Variants in ANO2 observed in about 807,000 individuals in gnomAD.
ANO2 encodes anoctamin-2.
Under a neutral mutation model 124.2 loss-of-function variants are expected in ANO2, and 101 were observed. The ratio of observed to expected loss-of-function variants is 0.81; its 90% CI spans 0.69 to 0.96. The LOEUF is 0.96. ANO2 is among the 40% of genes least tolerant of loss of function. The pLI, the probability that ANO2 is intolerant of heterozygous loss-of-function variation, is 0.00. For synonymous variants in ANO2, 486 were observed against 482.5 expected (o/e 1.01, Z -0.09); for missense variants, 1,293 against 1,274.5 (o/e 1.01, Z -0.22).
chr12:5,876,618 G>A (rs1938118975), intron 3 of ANO2, among the ~76,000 whole-genome samples: 1 of 152,172 alleles, frequency 6.6e-6, no homozygotes, highest in Admixed American at 6.5e-5. Flanking sequence ...AAGAAATTGT[G>A]GCACATATAC....
chr12:5,696,855 A>G (rs1026047884), intron 14 of ANO2, among the ~76,000 whole-genome samples: 1 of 152,266 alleles, frequency 6.6e-6, no homozygotes, highest in African/African-American at 2.4e-5. Flanking sequence ...AGGTTAAAGG[A>G]GAAAAGCTAC....
At chr12:5,618,065 G>C (rs1179119571) in intron 16 of ANO2, among the ~76,000 whole-genome samples, 3 of 152,192 alleles carry the variant, frequency 2.0e-5, no homozygotes, top group Non-Finnish European at 4.4e-5. Context: ...TCATGAACAG[G>C]TTAATGCTGC....
chr12:5,843,157 CAATAAT>C (rs1954574316), intron 4 of ANO2, among the ~76,000 whole-genome samples: 1 of 152,218 alleles, frequency 6.6e-6, no homozygotes, highest in Admixed American at 6.5e-5. Context: ...AAGTTACTGA[CAATAAT>C]AATAACAAGA....
chr12:5,676,228 G>A (rs923824791), intron 14 of ANO2, among the ~76,000 whole-genome samples: 3 of 152,194 alleles, frequency 2.0e-5, no homozygotes, highest in Non-Finnish European at 4.4e-5. Flanking sequence ...TTAGAAAGGC[G>A]TCAAGCCACA....
intron 10 of ANO2, among the ~76,000 whole-genome samples, chr12:5,779,817 T>G (rs1472062837): frequency 6.6e-6 from 1 of 152,202 alleles, no homozygotes; most frequent in Non-Finnish European, 1.5e-5. Context: ...ACAGACCTTC[T>G]ATAAAATGAT....
intron 3 of ANO2, chr12:5,858,741 C>G (rs1311135108): frequency 1.3e-5 from 2 of 152,174 alleles, no homozygotes; most frequent in East Asian, 3.9e-4. Flanking sequence ...ATTACTATAG[C>G]GATTAGCTCT....
chr12:5,883,800 C>T (rs184439651), intron 3 of ANO2, among the ~76,000 whole-genome samples: 27 of 152,228 alleles, frequency 1.8e-4, no homozygotes, highest in Admixed American at 6.5e-4. Flanking sequence ...CTAGCTCTGA[C>T]ATTTTCTGGA....
chr12:5,756,219 T>C (rs1006458442), intron 10 of ANO2, among the ~76,000 whole-genome samples: 2 of 152,062 alleles, frequency 1.3e-5, no homozygotes, highest in African/African-American at 4.8e-5. Context: ...TTTTTTATTA[T>C]TTCTATATGT....
chr12:5,638,237 C>CTTTTTTTTTTTTTTTTTTTTTTT (rs35224024), intron 15 of ANO2, among the ~76,000 whole-genome samples: 3 of 124,850 alleles, frequency 2.4e-5, no homozygotes, highest in African/African-American at 8.8e-5. Flanking sequence ...GTTTCTTTTC[C>CTTTTTTTTTTTTTTTTTTTTTTT]TTTTTTTTTT....
intron 10 of ANO2, among the ~76,000 whole-genome samples, chr12:5,797,635 C>T (rs2137159880): frequency 6.6e-6 from 1 of 152,244 alleles, no homozygotes; most frequent in Middle Eastern, 3.4e-3. Flanking sequence ...CAGAGAGTTC[C>T]TTATGCCACT....
intron 14 of ANO2, among the ~76,000 whole-genome samples, chr12:5,674,291 T>C (rs994035390): frequency 1.3e-5 from 2 of 152,106 alleles, no homozygotes; most frequent in African/African-American, 4.8e-5. Flanking sequence ...ACTTCCTACA[T>C]TAACCTGCAA....
At chr12:5,842,702 T>C (rs1407303228) in intron 4 of ANO2, among the ~76,000 whole-genome samples, 1 of 152,152 alleles carries the variant, frequency 6.6e-6, no homozygotes, top group Non-Finnish European at 1.5e-5. Context: ...TTGTAACACA[T>C]TTTCATATTT....
chr12:5,609,357 G>A (rs2136899172), intron 19 of ANO2, among the ~76,000 whole-genome samples: 1 of 152,170 alleles, frequency 6.6e-6, no homozygotes, highest in East Asian at 1.9e-4. Flanking sequence ...CCTCCCCAAA[G>A]AAAATACATG....
intron 10 of ANO2, among the ~76,000 whole-genome samples, chr12:5,784,702 T>C (rs1952493217): frequency 6.6e-6 from 1 of 152,070 alleles, no homozygotes; most frequent in African/African-American, 2.4e-5. Flanking sequence ...GCAGGACAAA[T>C]TAAATGAAAG....
chr12:5,572,562 T>G (rs1942187737), intron 23 of ANO2, among the ~76,000 whole-genome samples: 1 of 152,242 alleles, frequency 6.6e-6, no homozygotes, highest in African/African-American at 2.4e-5. Flanking sequence ...TTTAATTCCT[T>G]GTTTACTTAT....
At chr12:5,717,729 A>T (rs577166992) in intron 14 of ANO2, among the ~76,000 whole-genome samples, 52 of 152,346 alleles carry the variant, frequency 3.4e-4, no homozygotes, top group Middle Eastern at 6.8e-3. Flanking sequence ...TAGGAATATT[A>T]AATACATCCA....
chr12:5,860,590 A>G (rs1341394838), intron 3 of ANO2, among the ~76,000 whole-genome samples: 4 of 152,242 alleles, frequency 2.6e-5, no homozygotes, highest in African/African-American at 9.6e-5. Context: ...CCTTTGGCCA[A>G]CAGAATTTAA....
chr12:5,796,811 G>T (rs569995237), intron 10 of ANO2, among the ~76,000 whole-genome samples: 2 of 152,218 alleles, frequency 1.3e-5, no homozygotes, highest in Non-Finnish European at 2.9e-5. Context: ...AGGCCTGAAG[G>T]CCTGCGGAAG....
At chr12:5,909,804 G>C (rs980552264) in intron 3 of ANO2, among the ~76,000 whole-genome samples, 1 of 152,182 alleles carries the variant, frequency 6.6e-6, no homozygotes, top group African/African-American at 2.4e-5. Flanking sequence ...ACAGCAGCCA[G>C]GCAGGACTGC....
Sources: gnomAD v4.1 joint callset for allele counts (sites outside exome capture counted in the v4.1 genomes callset) on GRCh38, gnomAD v4.1.1 for gene constraint, MANE v1.5 for transcripts, NCBI Gene and HGNC (gene_info 2026-07-23, HGNC 2026-07-21) for gene names.